NBEA: variants seen among roughly 807,000 people sequenced by gnomAD.
NBEA encodes lysosomal-trafficking regulator 2.
In NBEA, 44 loss-of-function variants were observed where a neutral mutation model predicts 343.4. The ratio of observed to expected loss-of-function variants is 0.13; its 90% CI spans 0.10 to 0.16. NBEA has a LOEUF of 0.16. NBEA is among the 10% of genes least tolerant of loss of function. The probability of loss-of-function intolerance (pLI) is 1.00; values close to 1 mark genes in which losing one functional copy is unlikely to be tolerated. For missense variants in NBEA, 2,555 were observed against 3,631.3 expected (o/e 0.70, Z 7.62); for synonymous variants, 1,175 against 1,238.7 (o/e 0.95, Z 1.08).
intron 38 of NBEA, among the ~76,000 whole-genome samples, chr13:35,428,706 G>A (rs1194652594): frequency 5.3e-5 from 8 of 151,872 alleles, no homozygotes; most frequent in Admixed American, 3.9e-4. Flanking sequence ...CTGCCATTTC[G>A]ATGTTGGCAT....
chr13:35,392,486 T>G (rs923364882), intron 38 of NBEA, among the ~76,000 whole-genome samples: 7 of 107,372 alleles, frequency 6.5e-5, no homozygotes, highest in Middle Eastern at 4.5e-3. Flanking sequence ...TTTTTTTTGT[T>G]TTTTTTTTTT....
At chr13:35,124,151 T>C (rs1330299441) in intron 17 of NBEA, among the ~76,000 whole-genome samples, 1 of 151,964 alleles carries the variant, frequency 6.6e-6, no homozygotes, top group Non-Finnish European at 1.5e-5. Flanking sequence ...GTAGGAATGT[T>C]TTAAGAGTAT....
chr13:34,986,332 T>C (rs1030537068), intron 1 of NBEA, among the ~76,000 whole-genome samples: 3 of 151,090 alleles, frequency 2.0e-5, no homozygotes, highest in Admixed American at 6.6e-5. Flanking sequence ...AGTTTCCATG[T>C]AGTTGTGCGG....
At chr13:34,943,497 C>G (rs903447805) in intron 1 of NBEA, among the ~76,000 whole-genome samples, 3 of 152,232 alleles carry the variant, frequency 2.0e-5, no homozygotes, top group African/African-American at 7.2e-5. Flanking sequence ...TCCTTGGTGT[C>G]GCTCTCCGAG....
intron 1 of NBEA, among the ~76,000 whole-genome samples, chr13:35,036,209 T>A (rs572781338): frequency 2.0e-5 from 3 of 152,160 alleles, no homozygotes; most frequent in African/African-American, 7.2e-5. Context: ...AAATACTATC[T>A]TATCATTCAT....
chr13:35,110,185 T>C (rs1353298315), intron 12 of NBEA, among the ~76,000 whole-genome samples: 1 of 150,478 alleles, frequency 6.6e-6, no homozygotes, highest in Non-Finnish European at 1.5e-5. Flanking sequence ...TAGGTATATC[T>C]CCCAATGCTA....
At chr13:35,667,673 TA>T in intron 57 of NBEA, 103 bp downstream of exon 57, 1 of 1,124,244 alleles carries the variant, frequency 8.9e-7, no homozygotes, top group African/African-American at 1.6e-5. Flanking sequence ...GCTATCCAGA[TA>T]AATGTGTTCT....
intron 1 of NBEA, among the ~76,000 whole-genome samples, chr13:35,004,512 A>T (rs969307646): frequency 9.9e-5 from 15 of 152,196 alleles, no homozygotes; most frequent in African/African-American, 3.4e-4. Context: ...TGCTGCTACC[A>T]CTGACAAACT....
intron 34 of NBEA, among the ~76,000 whole-genome samples, chr13:35,273,733 C>T (rs530660294): frequency 6.6e-6 from 1 of 152,268 alleles, no homozygotes; most frequent in South Asian, 2.1e-4. Flanking sequence ...CTACTATAAA[C>T]ACCTCTACTC....
chr13:35,300,472 C>G (rs2036469410), intron 35 of NBEA, among the ~76,000 whole-genome samples: 1 of 152,116 alleles, frequency 6.6e-6, no homozygotes, highest in South Asian at 2.1e-4. Flanking sequence ...AAATAAAATA[C>G]TACAAATATA....
chr13:35,277,892 G>A (rs1184799299), intron 34 of NBEA, among the ~76,000 whole-genome samples: 2 of 150,872 alleles, frequency 1.3e-5, no homozygotes, highest in East Asian at 3.9e-4. Flanking sequence ...TTTGAGACCA[G>A]CCTGGCCAAC....
At chr13:35,364,348 C>A (rs1396920751) in intron 38 of NBEA, among the ~76,000 whole-genome samples, 1 of 151,818 alleles carries the variant, frequency 6.6e-6, no homozygotes, top group Admixed American at 6.6e-5. Context: ...TCTTCCAGGG[C>A]TGTGTCTTGC....
chr13:34,951,986 G>A (rs768749978), intron 1 of NBEA, among the ~76,000 whole-genome samples: 4 of 152,164 alleles, frequency 2.6e-5, no homozygotes, highest in Non-Finnish European at 4.4e-5. Flanking sequence ...ATTGAACACA[G>A]CAGTGTCCTC....
chr13:35,113,430 A>G (rs993426867), intron 13 of NBEA, among the ~76,000 whole-genome samples: 36 of 152,194 alleles, frequency 2.4e-4, no homozygotes, highest in African/African-American at 7.7e-4. Flanking sequence ...CTATATAAAT[A>G]GCCTGTTCTT....
chr13:35,118,719 T>C (rs1392223711), intron 16 of NBEA, among the ~76,000 whole-genome samples: 1 of 152,034 alleles, frequency 6.6e-6, no homozygotes, highest in East Asian at 1.9e-4. Flanking sequence ...TTACAAATTG[T>C]GAATAGAGCA....
intron 39 of NBEA, among the ~76,000 whole-genome samples, chr13:35,443,836 CT>C (rs1275322364): frequency 3.3e-5 from 5 of 151,740 alleles, no homozygotes; most frequent in Non-Finnish European, 7.4e-5. Context: ...ATTGAAAGAC[CT>C]GTTTTCTTCT....
chr13:35,408,001 G>GA (rs1483128153), intron 38 of NBEA, among the ~76,000 whole-genome samples: 11 of 152,004 alleles, frequency 7.2e-5, no homozygotes, highest in African/African-American at 2.7e-4. Flanking sequence ...CACAGAACTA[G>GA]AAAAAACTAT....
At chr13:35,235,953 C>T (rs1297633550) in intron 34 of NBEA, among the ~76,000 whole-genome samples, 1 of 152,020 alleles carries the variant, frequency 6.6e-6, no homozygotes, top group African/African-American at 2.4e-5. Flanking sequence ...ATTTTGTGTT[C>T]CCCTGGCAGT....
intron 11 of NBEA, 57 bp downstream of exon 11, chr13:35,098,462 A>T: frequency 7.8e-7 from 1 of 1,287,398 alleles, no homozygotes; most frequent in Non-Finnish European, 1.1e-6. Flanking sequence ...ACAGCTGTTA[A>T]TCACTAATTT....
Sources: allele counts gnomAD v4.1 joint callset (sites outside exome capture counted in the v4.1 genomes callset), GRCh38; gene constraint gnomAD v4.1.1; transcripts MANE v1.5; gene names NCBI Gene and HGNC (gene_info 2026-07-23, HGNC 2026-07-21).